The following SERGEF variants were observed in gnomAD, a reference collection of about 807,000 sequenced individuals.
SERGEF encodes the protein secretion-regulating guanine nucleotide exchange factor.
Under a neutral mutation model 50.0 loss-of-function variants are expected in SERGEF, and 51 were observed. The observed-to-expected ratio is 1.02, with a 90% confidence interval of 0.81 to 1.29. The LOEUF (loss-of-function observed/expected upper bound fraction) is 1.29, where lower values mean the gene tolerates loss of function less well. Among genes scored for constraint, SERGEF ranks in the 50% most tolerant of loss-of-function variants. SERGEF has a pLI of 0.00. For missense variants in SERGEF, 521 were observed against 557.0 expected (o/e 0.94, Z 0.65); for synonymous variants, 205 against 212.4 (o/e 0.97, Z 0.30).
At chr11:18,007,511 A>C (rs1472297422) in intron 2 of SERGEF, among the ~76,000 whole-genome samples, 1 of 152,250 alleles carries the variant, frequency 6.6e-6, no homozygotes, top group Non-Finnish European at 1.5e-5. Context: ...ACAACATTGT[A>C]GCACTTGTAC....
At chr11:17,896,825 GTAAC>G in intron 9 of SERGEF, among the ~76,000 whole-genome samples, 2 of 78,476 alleles carry the variant, frequency 2.5e-5, no homozygotes, top group Non-Finnish European at 2.5e-5. Flanking sequence ...TAAGGGAAGG[GTAAC>G]GGAAGGGTAA....
At chr11:17,825,022 C>T (rs892155678) in intron 10 of SERGEF, among the ~76,000 whole-genome samples, 1 of 152,196 alleles carries the variant, frequency 6.6e-6, no homozygotes, top group African/African-American at 2.4e-5. Flanking sequence ...AAGCTTCCAC[C>T]TTGATGGCCT....
intron 10 of SERGEF, among the ~76,000 whole-genome samples, chr11:17,850,029 A>G (rs886489585): frequency 2.6e-5 from 4 of 152,180 alleles, no homozygotes; most frequent in African/African-American, 7.2e-5. Context: ...TGGAGGCTGG[A>G]AAGTCCAAGA....
At chr11:17,910,988 A>T (rs1393345476) in intron 9 of SERGEF, among the ~76,000 whole-genome samples, 3 of 152,292 alleles carry the variant, frequency 2.0e-5, no homozygotes, top group Middle Eastern at 3.4e-3. Context: ...AAAGTCAGGG[A>T]GGGAAAATAG....
intron 8 of SERGEF, among the ~76,000 whole-genome samples, chr11:17,975,892 G>A (rs191275569): frequency 1.5e-4 from 23 of 152,116 alleles, no homozygotes; most frequent in African/African-American, 2.9e-4. Flanking sequence ...AGATTTTTTC[G>A]CAGTATTCCT....
At chr11:17,828,950 G>C (rs1303705156) in intron 10 of SERGEF, among the ~76,000 whole-genome samples, 1 of 152,124 alleles carries the variant, frequency 6.6e-6, no homozygotes, top group Non-Finnish European at 1.5e-5. Flanking sequence ...ATAAAGTCAG[G>C]GTTCAGCCTG....
chr11:17,933,711 T>A (rs74539880), intron 9 of SERGEF, among the ~76,000 whole-genome samples: 2,381 of 125,862 alleles, frequency 0.019, 23 homozygotes, highest in Non-Finnish European at 0.029. Flanking sequence ...ACTTTTAAAT[T>A]AGGCAAAAAA....
At chr11:17,966,132 T>C (rs1272109277) in intron 8 of SERGEF, among the ~76,000 whole-genome samples, 2 of 152,222 alleles carry the variant, frequency 1.3e-5, no homozygotes, top group Admixed American at 6.5e-5. Flanking sequence ...AGAAAGAACA[T>C]TGAAAGCTCT....
rs184037489 is a variant in SERGEF, at chr11:17,994,336, C to T, written c.623-1343G>A. Among the ~76,000 whole-genome samples, 578 of 151,900 alleles carry T rather than the reference C, an allele frequency of 3.8e-3. 4 individuals are homozygous for T. The highest frequency in any genetic ancestry group is 0.014 in the African/African-American group (563 of 41,442). On this transcript the variant is annotated intron_variant, in intron 6 of 10. Coordinates refer to ENST00000265965, the MANE Select transcript of SERGEF (RefSeq NM_012139.4). ...TAAAAATACAAAAAAATTAGCCAGGCGTGGTGGCAGGCGCCAGTAGTCCCA... is the reference window on the plus strand; with the variant it reads ...TAAAAATACAAAAAAATTAGCCAGGTGTGGTGGCAGGCGCCAGTAGTCCCA...
chr11:17,971,344 A>T (rs1048741350), intron 8 of SERGEF, among the ~76,000 whole-genome samples: 1 of 152,264 alleles, frequency 6.6e-6, no homozygotes, highest in Non-Finnish European at 1.5e-5. Context: ...CAGCTTTTCA[A>T]TGTAGACCAA....
chr11:17,819,284 G>C (rs188494063), intron 10 of SERGEF, among the ~76,000 whole-genome samples: 200 of 152,300 alleles, frequency 1.3e-3, no homozygotes, highest in African/African-American at 4.4e-3. Context: ...AAACAATGGT[G>C]CATGTAGGTG....
intron 9 of SERGEF, among the ~76,000 whole-genome samples, chr11:17,913,517 A>G (rs1851990673): frequency 3.3e-5 from 5 of 152,190 alleles, no homozygotes; most frequent in Admixed American, 2.0e-4. Flanking sequence ...GAAGACACAT[A>G]CTGCTATTGT....
In SERGEF at chr11:17,913,660, C is replaced by T. The variant is rs762751074; in HGVS notation, c.1012-35416G>A. Among the ~76,000 whole-genome samples, 60 of 152,154 alleles carry T rather than the reference C, an allele frequency of 3.9e-4. 1 individual carries two copies. Among genetic ancestry groups the T allele is most frequent in the Non-Finnish European group, 3.5e-4 (24 of 68,024 alleles). On this transcript the variant is annotated intron_variant, in intron 9 of 10. Coordinates refer to ENST00000265965, the MANE Select transcript of SERGEF (RefSeq NM_012139.4). The stretch of plus-strand genomic sequence containing the variant: ...CTGCACTATCTACTCCTCAGTCATG[C>T]ACAGGAAAAAGCTAGGCTAGAGAAT...
intron 9 of SERGEF, 114 bp downstream of exon 9, chr11:17,959,356 G>A (rs1852943128): frequency 2.1e-6 from 2 of 949,382 alleles, no homozygotes; most frequent in South Asian, 1.7e-5. Flanking sequence ...GACCTCTTCT[G>A]ATTCCTACAT....
At chr11:17,903,890 CGT>C (rs1851792216) in intron 9 of SERGEF, among the ~76,000 whole-genome samples, 1 of 152,168 alleles carries the variant, frequency 6.6e-6, no homozygotes, top group Non-Finnish European at 1.5e-5. Flanking sequence ...TCTCCACTTC[CGT>C]AGGTCATCTT....
chr11:17,925,249 T>C (rs1852229986), intron 9 of SERGEF, among the ~76,000 whole-genome samples: 1 of 133,292 alleles, frequency 7.5e-6, no homozygotes, highest in African/African-American at 2.9e-5. Flanking sequence ...AGTCCATCTG[T>C]CTGTCACACA....
chr11:17,797,024 G>A (rs1007384799), intron 10 of SERGEF, among the ~76,000 whole-genome samples: 1 of 152,328 alleles, frequency 6.6e-6, no homozygotes, highest in African/African-American at 2.4e-5. Flanking sequence ...GGTAAGAAAA[G>A]GGCAGGGCCT....
intron 9 of SERGEF, among the ~76,000 whole-genome samples, chr11:17,902,074 C>G (rs1239185675): frequency 6.6e-6 from 1 of 152,142 alleles, no homozygotes; most frequent in African/African-American, 2.4e-5. Flanking sequence ...CTTTGTTGGA[C>G]AGATAAAAGG....
chr11:17,923,432 G>C (rs1041436349), intron 9 of SERGEF, among the ~76,000 whole-genome samples: 2 of 152,186 alleles, frequency 1.3e-5, no homozygotes, highest in African/African-American at 4.8e-5. Context: ...TCCTAGGATG[G>C]AAATGCTCCA....
Sources: allele counts gnomAD v4.1 joint callset (sites outside exome capture counted in the v4.1 genomes callset), GRCh38; gene constraint gnomAD v4.1.1; transcripts MANE v1.5; gene names NCBI Gene and HGNC (gene_info 2026-07-23, HGNC 2026-07-21).